RHBDD1: variants seen among roughly 807,000 people sequenced by gnomAD.
The protein encoded by RHBDD1 is rhomboid domain containing 1, also known as rhomboid-related protein 4.
In RHBDD1, 38 loss-of-function variants were observed where a neutral mutation model predicts 36.3. The ratio of observed to expected loss-of-function variants is 1.05; its 90% CI spans 0.81 to 1.37. The LOEUF is 1.37. RHBDD1 is among the 40% of genes most tolerant of loss of function. The pLI, the probability that RHBDD1 is intolerant of heterozygous loss-of-function variation, is 0.00. For missense variants in RHBDD1, 393 were observed against 377.6 expected, an observed-to-expected ratio of 1.04 and a Z score of -0.34; for synonymous variants, 151 against 136.5, an observed-to-expected ratio of 1.11 and a Z score of -0.74.
chr2:226,938,322 A>C (rs1160773569), intron 8 of RHBDD1, among the ~76,000 whole-genome samples: 1 of 152,012 alleles, frequency 6.6e-6, no homozygotes, highest in Non-Finnish European at 1.5e-5. Context: ...TTCCTTATAG[A>C]TGCTGGATAT....
At chr2:226,810,551 A>AG in the RHBDD1 span, among the ~76,000 whole-genome samples, 1 of 143,496 alleles carries the variant, frequency 7.0e-6, no homozygotes, top group Admixed American at 7.0e-5. Context: ...AAAAAAAAAA[A>AG]AAAAAAAAAA....
At chr2:226,911,295 G>T (rs1948497348) in intron 7 of RHBDD1, among the ~76,000 whole-genome samples, 1 of 152,024 alleles carries the variant, frequency 6.6e-6, no homozygotes, top group South Asian at 2.1e-4. Context: ...TTCCACATGG[G>T]TTTGAAAGTG....
the RHBDD1 span, among the ~76,000 whole-genome samples, chr2:226,813,515 G>A: frequency 6.6e-6 from 1 of 152,132 alleles, no homozygotes; most frequent in African/African-American, 2.4e-5. Context: ...TCTTTTGCCA[G>A]GGGTACACTA....
At chr2:226,945,932 G>T (rs182065527) in intron 8 of RHBDD1, among the ~76,000 whole-genome samples, 51 of 151,944 alleles carry the variant, frequency 3.4e-4, no homozygotes, top group African/African-American at 1.0e-3. Flanking sequence ...TCCTATGTTT[G>T]TTGGCCACAT....
intron 7 of RHBDD1, among the ~76,000 whole-genome samples, chr2:226,909,632 G>T (rs1475690568): frequency 6.6e-6 from 1 of 152,084 alleles, no homozygotes; most frequent in Non-Finnish European, 1.5e-5. Context: ...CCTCATGAAT[G>T]GGATTAATGT....
At chr2:226,872,025 A>G (rs1453709001) in intron 5 of RHBDD1, among the ~76,000 whole-genome samples, 2 of 152,136 alleles carry the variant, frequency 1.3e-5, no homozygotes, top group Non-Finnish European at 2.9e-5. Context: ...TTTTAGGGGG[A>G]ATTATAAAGG....
In RHBDD1 at chr2:226,871,672, G is replaced by A. The variant is rs181927648; in HGVS notation, c.566+4354G>A. On this transcript the variant is annotated intron_variant, in intron 5 of 8. Coordinates refer to ENST00000392062, the MANE Select transcript of RHBDD1 (RefSeq NM_001167608.3). ...CTAGACTTGTCTGCTTGTTTCCTTT[G>A]GGGCTTGTTTAACTTGTCCCTCTAT... Among the ~76,000 whole-genome samples the A allele has an allele frequency of 5.3e-5, 8 of 152,166 alleles. No homozygotes were observed. In the East Asian group the frequency reaches 1.5e-3, roughly 29 times the overall value.
At chr2:226,977,593 A>G (rs1323461285) in intron 8 of RHBDD1, among the ~76,000 whole-genome samples, 2 of 152,222 alleles carry the variant, frequency 1.3e-5, no homozygotes, top group Non-Finnish European at 2.9e-5. Flanking sequence ...GCCCTGTAGC[A>G]TAATTAGCAG....
chr2:226,936,500 TTTCTC>T (rs1950338341), intron 8 of RHBDD1, among the ~76,000 whole-genome samples: 1 of 152,158 alleles, frequency 6.6e-6, no homozygotes, highest in Non-Finnish European at 1.5e-5. Context: ...TATGTAATCT[TTTCTC>T]TACCACCTAC....
At chr2:226,975,276 T>A (rs1278273882) in intron 8 of RHBDD1, among the ~76,000 whole-genome samples, 2 of 152,062 alleles carry the variant, frequency 1.3e-5, no homozygotes, top group Non-Finnish European at 2.9e-5. Context: ...CTCATTTCAC[T>A]ACACACACAA....
At chr2:226,875,560 A>G (rs560978694) in intron 5 of RHBDD1, among the ~76,000 whole-genome samples, 1 of 152,170 alleles carries the variant, frequency 6.6e-6, no homozygotes, top group Admixed American at 6.5e-5. Flanking sequence ...GAAGGTGGGA[A>G]TGTTAGTTCA....
intron 8 of RHBDD1, among the ~76,000 whole-genome samples, chr2:226,977,375 C>T (rs1286620411): frequency 6.6e-6 from 1 of 152,104 alleles, no homozygotes; most frequent in Non-Finnish European, 1.5e-5. Context: ...CCGAAATAGC[C>T]GGCTGGAATT....
chr2:226,810,744 G>C, the RHBDD1 span, among the ~76,000 whole-genome samples: 1 of 152,006 alleles, frequency 6.6e-6, no homozygotes, highest in Admixed American at 6.6e-5. Context: ...GAAAAACGTG[G>C]ATAAATGGAT....
chr2:226,913,812 A>G (rs1163911251), intron 7 of RHBDD1, among the ~76,000 whole-genome samples: 2 of 152,212 alleles, frequency 1.3e-5, no homozygotes, highest in Non-Finnish European at 2.9e-5. Flanking sequence ...CAACAAGACA[A>G]TAAGGCTTTA....
chr2:226,826,197 A>T, the RHBDD1 span, among the ~76,000 whole-genome samples: 3 of 152,216 alleles, frequency 2.0e-5, no homozygotes, highest in Admixed American at 6.5e-5. Flanking sequence ...AAAATAGGAA[A>T]TAGAATGATC....
chr2:226,929,065 A>G (rs972696191), intron 8 of RHBDD1, among the ~76,000 whole-genome samples: 2 of 152,244 alleles, frequency 1.3e-5, no homozygotes, highest in East Asian at 1.9e-4. Context: ...GCCAAATTCT[A>G]CCAGACATTC....
chr2:226,967,992 T>G (rs572199837), intron 8 of RHBDD1, among the ~76,000 whole-genome samples: 1 of 152,324 alleles, frequency 6.6e-6, no homozygotes, highest in East Asian at 1.9e-4. Context: ...GTTATATCTC[T>G]TCATGAGCAT....
chr2:226,992,223 C>T (rs986434275), intron 8 of RHBDD1, among the ~76,000 whole-genome samples: 1 of 152,142 alleles, frequency 6.6e-6, no homozygotes, highest in African/African-American at 2.4e-5. Flanking sequence ...AGCCAGGAAG[C>T]CTTGTGCCGA....
chr2:226,909,285 A>G (rs1321382725), intron 7 of RHBDD1, among the ~76,000 whole-genome samples: 1 of 152,212 alleles, frequency 6.6e-6, no homozygotes, highest in Admixed American at 6.5e-5. Flanking sequence ...GTCAGATGCT[A>G]AAATAGGCAT....
Sources: gnomAD v4.1 joint callset for allele counts (sites outside exome capture counted in the v4.1 genomes callset) on GRCh38, gnomAD v4.1.1 for gene constraint, MANE v1.5 for transcripts, NCBI Gene and HGNC (gene_info 2026-07-23, HGNC 2026-07-21) for gene names.